Variants in EXD3 observed in about 807,000 individuals in gnomAD.
The protein encoded by EXD3 is exonuclease mut-7 homolog.
Under a neutral mutation model 98.0 loss-of-function variants are expected in EXD3, and 92 were observed. That is an observed-to-expected ratio of 0.94 (90% CI 0.79 to 1.12). EXD3 has a LOEUF of 1.12. Among genes scored for constraint, EXD3 ranks in the 50% most tolerant of loss-of-function variants. The probability of loss-of-function intolerance (pLI) is 0.00; values close to 1 mark genes in which losing one functional copy is unlikely to be tolerated. For missense variants in EXD3, 1,222 were observed against 1,191.6 expected, an observed-to-expected ratio of 1.03 and a Z score of -0.38; for synonymous variants, 569 against 526.0, an observed-to-expected ratio of 1.08 and a Z score of -1.12.
At chr9:137,422,367 G>A (rs6606588) in intron 1 of EXD3, among the ~76,000 whole-genome samples, 45,428 of 151,946 alleles carry the variant, frequency 0.3, 7,113 homozygotes, top group East Asian at 0.61. Context: ...GTGCCAGAAA[G>A]CATTTCAAAT....
chr9:137,319,968 G>A (rs1013782291), intron 19 of EXD3, among the ~76,000 whole-genome samples: 17 of 152,236 alleles, frequency 1.1e-4, no homozygotes, highest in Admixed American at 2.0e-4. Context: ...ACCTGAGGCC[G>A]CATGTGGCGC....
Position 137,354,351 on chromosome 9 carries a change from G to T in EXD3, c.858C>A (p.Thr286=). 1 of 1,612,420 alleles carries T rather than the reference G, an allele frequency of 6.2e-7. No homozygotes were observed. The change falls in exon 10 of 22, where the codon ACC becomes ACA. Residue 286 remains threonine, a synonymous_variant. Transcript: ENST00000340951. ...VEKSLSQENW[T]DHVQGLVGQS... is the part of the protein sequence containing the mutation. ...GGCACGAACTCACCTGCACATGGTC[G>T]GTCCAGTTCTCCTGTGACAGGCTCT...
chr9:137,333,841 C>A (rs1180516684), intron 17 of EXD3, among the ~76,000 whole-genome samples: 1 of 151,746 alleles, frequency 6.6e-6, no homozygotes, highest in Admixed American at 6.6e-5. Context: ...TTTTTCTTTT[C>A]TTTTCTTTTT....
At chr9:137,317,890 G>A (rs1831777615) in intron 19 of EXD3, among the ~76,000 whole-genome samples, 3 of 152,182 alleles carry the variant, frequency 2.0e-5, no homozygotes, top group Non-Finnish European at 4.4e-5. Flanking sequence ...TTAGGAGCAG[G>A]GAGGAGGTCC....
rs558769642 is a variant in EXD3 at position 137,331,063 on chromosome 9, G to A, written c.1999-6920C>T. Reference sequence around the variant, plus strand: ...ATTAAAGCAATAATTCACCATGACCGAGTGAGTTTCATCCCAGGGATTCAG... The same window carrying A: ...ATTAAAGCAATAATTCACCATGACCAAGTGAGTTTCATCCCAGGGATTCAG... On this transcript the variant is annotated intron_variant, in intron 17 of 21. Transcript: ENST00000340951. 2.8e-4 allele frequency among the ~76,000 whole-genome samples: 43 copies of A among 152,238 alleles called. 1 individual carries two copies. The South Asian group carries it at 7.9e-3, about 28-fold the overall frequency.
chr9:137,321,920 G>A (rs1342382432), intron 19 of EXD3, among the ~76,000 whole-genome samples: 2 of 152,144 alleles, frequency 1.3e-5, no homozygotes, highest in Non-Finnish European at 2.9e-5. Context: ...CCCCCAGACT[G>A]GCCATGCCCA....
intron 18 of EXD3, 66 bp from the exon 19 acceptor site, chr9:137,323,922 G>A (rs1391925110): frequency 3.2e-6 from 5 of 1,541,682 alleles, no homozygotes; most frequent in African/African-American, 1.4e-5. Context: ...GGCCCAGCCC[G>A]CCTCCGCCAG....
chr9:137,419,424 C>G (rs1378090819), intron 1 of EXD3, among the ~76,000 whole-genome samples: 1 of 152,030 alleles, frequency 6.6e-6, no homozygotes, highest in Non-Finnish European at 1.5e-5. Flanking sequence ...AATCCCAACA[C>G]TTCGGGAGGC....
chr9:137,391,471 G>A (rs1836904601), intron 2 of EXD3, among the ~76,000 whole-genome samples: 1 of 152,230 alleles, frequency 6.6e-6, no homozygotes, highest in Non-Finnish European at 1.5e-5. Flanking sequence ...CCGGAGCCCA[G>A]CAAGATGGGG....
intron 3 of EXD3, chr9:137,377,307 A>T (rs1239807413): frequency 6.6e-6 from 1 of 151,876 alleles, no homozygotes; most frequent in Non-Finnish European, 1.5e-5. Context: ...AAAATTAGCC[A>T]GCATAGTGGA....
Position 137,328,582 on chromosome 9 carries a change from C to G in EXD3, c.1999-4439G>C, listed in dbSNP as rs1036754485. 2.1e-4 allele frequency among the ~76,000 whole-genome samples: 4 copies of G among 19,248 alleles called. No individual in the cohort carries two copies. The South Asian group carries it at 7.2e-3, about 35-fold the overall frequency. The allele number at this position is 19,248 out of a possible 152,430, so 12.6% of individuals were successfully genotyped here. A position where few individuals can be genotyped will look rare whatever the true frequency, so the allele number is the denominator to read the frequency against. On this transcript the variant is annotated intron_variant, in intron 17 of 21. Transcript: ENST00000340951. Reference sequence around the variant, plus strand: ...AAGAAACAGACTAGTTACACAGGAGCTACACGGGACTACACGGGACTACAC... The same window carrying G: ...AAGAAACAGACTAGTTACACAGGAGGTACACGGGACTACACGGGACTACAC...
At chr9:137,373,627 C>T (rs1835753183) in intron 3 of EXD3, 28 bp from the exon 4 acceptor site, 2 of 1,573,988 alleles carry the variant, frequency 1.3e-6, no homozygotes, top group Non-Finnish European at 1.7e-6. Flanking sequence ...CACACTGGCA[C>T]TTTGTCTTGC....
intron 2 of EXD3, among the ~76,000 whole-genome samples, chr9:137,394,930 G>C (rs1452930027): frequency 1.3e-5 from 2 of 152,082 alleles, no homozygotes; most frequent in Non-Finnish European, 2.9e-5. Context: ...AAGCCCCCAA[G>C]GGTGTTCCGG....
At chr9:137,412,052 A>T (rs940534111) in intron 1 of EXD3, among the ~76,000 whole-genome samples, 3 of 151,840 alleles carry the variant, frequency 2.0e-5, no homozygotes, top group Non-Finnish European at 1.5e-5. Flanking sequence ...AGGCTCCCCC[A>T]CCCCCACAGA....
chr9:137,345,230 C>G (rs979185273), intron 17 of EXD3, among the ~76,000 whole-genome samples: 1 of 152,242 alleles, frequency 6.6e-6, no homozygotes, highest in Admixed American at 6.5e-5. Flanking sequence ...GCTTTCTTTC[C>G]TTTTCCTTTT....
intron 5 of EXD3, among the ~76,000 whole-genome samples, 177 bp downstream of exon 5, chr9:137,372,728 T>TG (rs967420934): frequency 4.2e-4 from 64 of 152,180 alleles, no homozygotes; most frequent in African/African-American, 1.5e-3. Flanking sequence ...TGAGGGCTCC[T>TG]GGGACCCGGC....
In EXD3 at chr9:137,352,645, G is replaced by A. The variant is rs768985964; in HGVS notation, c.1012C>T (p.Leu338Phe). 8 of 1,547,918 alleles carry A rather than the reference G, an allele frequency of 5.2e-6. No homozygotes were observed. The South Asian group carries it at 7.1e-5, about 14-fold the overall frequency. The change falls in exon 11 of 22, where the codon CTC (leucine) becomes TTC (phenylalanine). Residue 338 changes from leucine to phenylalanine, a missense_variant. By Grantham distance (22) the Leu-to-Phe change is conservative. Coordinates refer to ENST00000340951, the MANE Select transcript of EXD3 (RefSeq NM_017820.5). ...ERLPAAVAVE[L>F]RRFRLQGRAT... ...CTCCCCTGGAGCCTGAACCGGCGGAGTTCCACAGCCACCGCAGCCGGCAGC... is the reference window on the plus strand; with the variant it reads ...CTCCCCTGGAGCCTGAACCGGCGGAATTCCACAGCCACCGCAGCCGGCAGC...
chr9:137,378,785 G>C (rs1409501280), intron 3 of EXD3, among the ~76,000 whole-genome samples: 1 of 152,246 alleles, frequency 6.6e-6, no homozygotes. Flanking sequence ...GAACTGTCCA[G>C]AAGTGGCAAA....
chr9:137,313,814 A>G (rs1831490699), intron 19 of EXD3, among the ~76,000 whole-genome samples: 1 of 152,272 alleles, frequency 6.6e-6, no homozygotes, highest in Non-Finnish European at 1.5e-5. Flanking sequence ...GCTCATTTAG[A>G]GCAAACTGGG....
Sources: allele counts gnomAD v4.1 joint callset (sites outside exome capture counted in the v4.1 genomes callset), GRCh38; gene constraint gnomAD v4.1.1; transcripts MANE v1.5; gene names NCBI Gene and HGNC (gene_info 2026-07-23, HGNC 2026-07-21).